The following ADGRL3 variants were observed in gnomAD, a reference collection of about 807,000 sequenced individuals.
ADGRL3 encodes the protein calcium-independent alpha-latrotoxin receptor 3.
A neutral mutation model predicts 153.5 loss-of-function variants in ADGRL3; 62 were observed. The ratio of observed to expected loss-of-function variants is 0.40; its 90% CI spans 0.33 to 0.50. The LOEUF (loss-of-function observed/expected upper bound fraction) is 0.50. Ranked by LOEUF, ADGRL3 falls within the 20% of genes least tolerant of loss-of-function variation. The pLI, the probability that ADGRL3 is intolerant of heterozygous loss-of-function variation, is 0.47. For missense variants in ADGRL3, 1,641 were observed against 1,859.4 expected (o/e 0.88, Z 2.16); for synonymous variants, 710 against 672.5 (o/e 1.06, Z -0.86).
intron 2 of ADGRL3, among the ~76,000 whole-genome samples, chr4:61,416,469 TAGTAAAGA>T (rs1293853253): frequency 6.6e-6 from 1 of 152,164 alleles, no homozygotes; most frequent in Non-Finnish European, 1.5e-5. Context: ...TTTTTATTTG[TAGTAAAGA>T]AAAAAGGACA....
At chr4:61,928,120 A>G (rs2098802154) in intron 13 of ADGRL3, among the ~76,000 whole-genome samples, 1 of 151,850 alleles carries the variant, frequency 6.6e-6, no homozygotes, top group African/African-American at 2.4e-5. Flanking sequence ...ATTCAGGAAA[A>G]CATATTTAAA....
At chr4:61,260,396 A>T (rs1194088882) in intron 1 of ADGRL3, among the ~76,000 whole-genome samples, 1 of 152,178 alleles carries the variant, frequency 6.6e-6, no homozygotes, top group Non-Finnish European at 1.5e-5. Context: ...AATGAAATGG[A>T]TAGAGTCTGT....
At chr4:61,668,341 C>T (rs979877946) in intron 5 of ADGRL3, among the ~76,000 whole-genome samples, 7 of 152,182 alleles carry the variant, frequency 4.6e-5, no homozygotes, top group Non-Finnish European at 8.8e-5. Context: ...ACAAACCATG[C>T]CAGCATCTTG....
intron 5 of ADGRL3, among the ~76,000 whole-genome samples, chr4:61,650,248 T>C (rs560629212): frequency 1.5e-4 from 23 of 152,146 alleles, no homozygotes; most frequent in Non-Finnish European, 3.1e-4. Flanking sequence ...TTTAATAAAA[T>C]AAAATCCTAT....
At chr4:61,287,326 G>A (rs1292484914) in intron 1 of ADGRL3, among the ~76,000 whole-genome samples, 1 of 151,800 alleles carries the variant, frequency 6.6e-6, no homozygotes, top group African/African-American at 2.4e-5. Flanking sequence ...AAATACATTT[G>A]ATGATGTTGT....
Position 62,007,732 on chromosome 4 carries a change from C to T in ADGRL3, c.3395+9467C>T, listed in dbSNP as rs867373133. On this transcript the variant is annotated intron_variant, in intron 21 of 26. Transcript: ENST00000683033. ...TTCAAGCTCTTTCTGCCTCTCCCAA[C>T]CAGCCACCCCTTGGCCACTCCTCAA... 6.6e-5 allele frequency among the ~76,000 whole-genome samples: 10 copies of T among 151,974 alleles called. No individual in the cohort carries two copies. The South Asian group carries it at 1.0e-3, about 16-fold the overall frequency.
chr4:61,577,191 A>AGAGT (rs2098891423), intron 4 of ADGRL3, among the ~76,000 whole-genome samples: 3 of 123,544 alleles, frequency 2.4e-5, no homozygotes, highest in African/African-American at 8.9e-5. Context: ...TGAGAGAGAG[A>AGAGT]GTGTGTGTGC....
intron 5 of ADGRL3, among the ~76,000 whole-genome samples, chr4:61,673,544 T>C (rs1429348906): frequency 4.0e-5 from 6 of 151,670 alleles, no homozygotes; most frequent in Non-Finnish European, 7.4e-5. Context: ...CTTTTAAAAA[T>C]TTTGAAATAA....
chr4:61,977,789 A>G (rs575274038), intron 17 of ADGRL3, among the ~76,000 whole-genome samples: 334 of 151,962 alleles, frequency 2.2e-3, no homozygotes, highest in Non-Finnish European at 3.4e-3. Context: ...TTAAAAATCA[A>G]TTTTTTTTCA....
intron 5 of ADGRL3, among the ~76,000 whole-genome samples, chr4:61,642,131 G>T (rs944610896): frequency 2.7e-5 from 4 of 147,824 alleles, no homozygotes; most frequent in African/African-American, 7.5e-5. Context: ...TTTTGATGGG[G>T]TTGTTTGTTT....
intron 5 of ADGRL3, among the ~76,000 whole-genome samples, chr4:61,644,422 C>T (rs942013085): frequency 6.6e-6 from 1 of 152,074 alleles, no homozygotes; most frequent in African/African-American, 2.4e-5. Flanking sequence ...CTCTTGTGGG[C>T]ATTTAGCGCT....
chr4:61,485,421 C>G (rs999556273), intron 2 of ADGRL3, among the ~76,000 whole-genome samples: 1 of 152,036 alleles, frequency 6.6e-6, no homozygotes, highest in Non-Finnish European at 1.5e-5. Context: ...CATTATTTTA[C>G]AGTAATCTTT....
chr4:61,743,521 A>T (rs998533572), intron 8 of ADGRL3, among the ~76,000 whole-genome samples: 1 of 152,152 alleles, frequency 6.6e-6, no homozygotes, highest in Admixed American at 6.5e-5. Flanking sequence ...ATATTTAGAA[A>T]CACACTACTC....
At chr4:62,046,830 A>AT (rs1438620233) in intron 25 of ADGRL3, among the ~76,000 whole-genome samples, 56 of 151,788 alleles carry the variant, frequency 3.7e-4, no homozygotes, top group African/African-American at 1.3e-3. Context: ...TTCTCATCTT[A>AT]TTTTTTTATC....
At chr4:61,709,677 C>T (rs2095929216) in intron 6 of ADGRL3, among the ~76,000 whole-genome samples, 1 of 152,152 alleles carries the variant, frequency 6.6e-6, no homozygotes, top group Non-Finnish European at 1.5e-5. Context: ...GTCTCACAAC[C>T]TTGCCAATAA....
intron 1 of ADGRL3, among the ~76,000 whole-genome samples, chr4:61,225,477 C>T (rs550488374): frequency 6.6e-6 from 1 of 152,232 alleles, no homozygotes; most frequent in East Asian, 1.9e-4. Flanking sequence ...TGCCCTCATC[C>T]TCTTCAACCT....
At chr4:61,409,022 A>C (rs1029943484) in intron 2 of ADGRL3, among the ~76,000 whole-genome samples, 2 of 151,506 alleles carry the variant, frequency 1.3e-5, no homozygotes, top group African/African-American at 4.8e-5. Context: ...AAAAACAATC[A>C]TTTTAGCTAT....
At chr4:61,981,855 G>T (rs1159214597) in intron 18 of ADGRL3, among the ~76,000 whole-genome samples, 1 of 152,154 alleles carries the variant, frequency 6.6e-6, no homozygotes, top group African/African-American at 2.4e-5. Flanking sequence ...TCATGTTTGT[G>T]ATTACACATT....
rs200354579 is a variant in ADGRL3, at chr4:61,718,933, CAA to C, written c.584-11688_584-11687del. On this transcript the variant is annotated intron_variant, in intron 6 of 26. Transcript: ENST00000683033. The stretch of plus-strand genomic sequence containing the variant: ...ATTTGACACATTTCACTAAAACAAA[CAA>C]GACATGCATTTAGTGAATTGCTTCA... 7.9e-5 allele frequency among the ~76,000 whole-genome samples: 12 copies of C among 152,258 alleles called. No individual in the cohort carries two copies. The East Asian group carries it at 2.3e-3, about 29-fold the overall frequency.
Sources: gnomAD v4.1 joint callset for allele counts (sites outside exome capture counted in the v4.1 genomes callset) on GRCh38, gnomAD v4.1.1 for gene constraint, MANE v1.5 for transcripts, NCBI Gene and HGNC (gene_info 2026-07-23, HGNC 2026-07-21) for gene names.